PEX5L: variants seen among roughly 807,000 people sequenced by gnomAD.
PEX5L encodes peroxisomal biogenesis factor 5 like, also known as PEX5-related protein.
PEX5L carries 30 observed loss-of-function variants against 84.0 expected under a neutral mutation model. The observed-to-expected ratio is 0.36, with a 90% CI of 0.27 to 0.48. The LOEUF is 0.48. Among genes scored for constraint, PEX5L ranks in the 20% least tolerant of loss-of-function variants. The pLI is 0.99. For synonymous variants in PEX5L, 270 were observed against 283.1 expected (o/e 0.95, Z 0.46); for missense variants, 533 against 754.6 (o/e 0.71, Z 3.44).
At chr3:179,952,882 T>G (rs913972206) in intron 2 of PEX5L, among the ~76,000 whole-genome samples, 1 of 152,128 alleles carries the variant, frequency 6.6e-6, no homozygotes, top group Non-Finnish European at 1.5e-5. Flanking sequence ...CAAAACAGCA[T>G]GGTACCGGTA....
intron 8 of PEX5L, among the ~76,000 whole-genome samples, chr3:179,846,402 T>G (rs1388318756): frequency 6.6e-6 from 1 of 152,206 alleles, no homozygotes; most frequent in Non-Finnish European, 1.5e-5. Context: ...TAACTATAGT[T>G]GCCCTACTGT....
chr3:179,861,441 G>A (rs1746083588), intron 7 of PEX5L, among the ~76,000 whole-genome samples: 1 of 152,216 alleles, frequency 6.6e-6, no homozygotes, highest in African/African-American at 2.4e-5. Flanking sequence ...GCAGCTGAAT[G>A]CCGGAGGGGC....
intron 5 of PEX5L, among the ~76,000 whole-genome samples, chr3:179,876,972 T>C (rs572028748): frequency 9.9e-5 from 15 of 152,224 alleles, no homozygotes; most frequent in Admixed American, 4.6e-4. Flanking sequence ...AATTCAATTA[T>C]GTTTCATACA....
At chr3:179,846,261 C>T (rs1044108172) in intron 8 of PEX5L, among the ~76,000 whole-genome samples, 2 of 152,138 alleles carry the variant, frequency 1.3e-5, no homozygotes, top group South Asian at 2.1e-4. Context: ...TGTGATGTTT[C>T]GTAGGCATAC....
chr3:180,023,771 CAGAGAG>C (rs139045124), intron 1 of PEX5L, among the ~76,000 whole-genome samples: 26 of 102,802 alleles, frequency 2.5e-4, no homozygotes, highest in South Asian at 1.5e-3. Flanking sequence ...CGCACACACA[CAGAGAG>C]AGAGAGAGAG....
chr3:179,911,283 G>A (rs1765087246), intron 2 of PEX5L, among the ~76,000 whole-genome samples: 1 of 152,222 alleles, frequency 6.6e-6, no homozygotes, highest in South Asian at 2.1e-4. Context: ...CCAGTGGAAT[G>A]TGGCAACATA....
At chr3:180,009,545 G>C (rs1316204635) in intron 1 of PEX5L, among the ~76,000 whole-genome samples, 1 of 151,776 alleles carries the variant, frequency 6.6e-6, no homozygotes, top group Admixed American at 6.6e-5. Flanking sequence ...TAGGAACTCA[G>C]CATGAGTTAC....
chr3:180,024,608 G>C (rs1179946731), intron 1 of PEX5L, among the ~76,000 whole-genome samples: 1 of 150,368 alleles, frequency 6.7e-6, no homozygotes, highest in African/African-American at 2.5e-5. Flanking sequence ...AAATAGACAA[G>C]TCCACTGGAT....
intron 8 of PEX5L, among the ~76,000 whole-genome samples, chr3:179,848,853 C>T (rs1438427762): frequency 6.6e-6 from 1 of 152,076 alleles, no homozygotes; most frequent in East Asian, 1.9e-4. Flanking sequence ...CTGCCAATGG[C>T]GTGTGAGGAG....
At chr3:179,971,527 C>T in intron 2 of PEX5L, 67 bp downstream of exon 2, 1 of 1,511,478 alleles carries the variant, frequency 6.6e-7, no homozygotes. Flanking sequence ...GGGCTGAACA[C>T]TCAAAAGGCT....
At chr3:179,918,353 C>T (rs1768005002) in intron 2 of PEX5L, among the ~76,000 whole-genome samples, 1 of 152,184 alleles carries the variant, frequency 6.6e-6, no homozygotes, top group Non-Finnish European at 1.5e-5. Context: ...ATAGGTCACA[C>T]ATTTGGTGGG....
rs560638840 is a variant in PEX5L, at chr3:179,919,892, G to A, written c.94-21646C>T. ...TAATTTTTGTATTTTTAGTAGAGAT[G>A]GGGTTTCACCATGTTGGCCAAGCTG... is the stretch of plus-strand genomic sequence containing the variant. On this transcript the variant is annotated intron_variant, in intron 2 of 14. Transcript: ENST00000467460. Among the ~76,000 whole-genome samples the A allele has an allele frequency of 1.4e-3, 211 of 152,130 alleles. 1 individual carries two copies. The highest frequency in any genetic ancestry group is 5.0e-3 in the African/African-American group (208 of 41,490).
intron 14 of PEX5L, 42 bp downstream of exon 14, chr3:179,807,632 C>T: frequency 6.3e-7 from 1 of 1,592,316 alleles, no homozygotes. Context: ...CGACCTCAGT[C>T]CTGGGCATGG....
chr3:179,877,785 C>A (rs1207313771), intron 5 of PEX5L, among the ~76,000 whole-genome samples: 2 of 152,164 alleles, frequency 1.3e-5, no homozygotes, highest in Non-Finnish European at 2.9e-5. Flanking sequence ...TAATCTAAAT[C>A]TATAAATGTT....
In PEX5L at chr3:179,960,567, C is replaced by T. The variant is rs115733309; in HGVS notation, c.93+11027G>A. Among the ~76,000 whole-genome samples the T allele has an allele frequency of 5.3e-5, 8 of 152,212 alleles. No individual in the cohort carries two copies. In the East Asian group the frequency reaches 1.3e-3, roughly 26 times the overall value. ...TACTGTTGTTCATAAAAGTCCTGAT[C>T]CAAGGGTATGATTTTAACTCAAGTT... On this transcript the variant is annotated intron_variant, in intron 2 of 14. Coordinates refer to ENST00000467460, the MANE Select transcript of PEX5L (RefSeq NM_016559.3).
chr3:179,986,193 T>C (rs1449911174), intron 1 of PEX5L, among the ~76,000 whole-genome samples: 2 of 150,800 alleles, frequency 1.3e-5, no homozygotes, highest in Non-Finnish European at 1.5e-5. Flanking sequence ...ACTTTATGTT[T>C]ATGCAATAAT....
intron 7 of PEX5L, among the ~76,000 whole-genome samples, chr3:179,866,538 G>C (rs1361659349): frequency 6.6e-6 from 1 of 152,146 alleles, no homozygotes; most frequent in African/African-American, 2.4e-5. Context: ...GACATAGTAC[G>C]TGCTTAATAC....
At chr3:179,917,581 T>G (rs1767660178) in intron 2 of PEX5L, among the ~76,000 whole-genome samples, 1 of 152,184 alleles carries the variant, frequency 6.6e-6, no homozygotes, top group African/African-American at 2.4e-5. Context: ...TGTCACTAGG[T>G]GATAGGAATT....
In PEX5L at chr3:179,986,623, C is replaced by CT; in HGVS notation, c.22-14959dup. Among the ~76,000 whole-genome samples the CT allele has an allele frequency of 2.0e-5, 3 of 152,210 alleles. No homozygotes were observed. The South Asian group carries it at 6.2e-4, about 32-fold the overall frequency. On this transcript the variant is annotated intron_variant, in intron 1 of 14. Transcript: ENST00000467460. ...TTCACCGTGTTAGCCAGGATAGTCT[C>CT]TATCTCCTGACCTCGTGATCCGCCC...
Sources: gnomAD v4.1 joint callset for allele counts (sites outside exome capture counted in the v4.1 genomes callset) on GRCh38, gnomAD v4.1.1 for gene constraint, MANE v1.5 for transcripts, NCBI Gene and HGNC (gene_info 2026-07-23, HGNC 2026-07-21) for gene names.